The following MIR2052HG variants were observed in gnomAD, a reference collection of about 807,000 sequenced individuals.
MIR2052HG encodes the protein MIR2052 host gene.
chr8:74,633,008 CTTTTA>C (rs1586898450), intron 2 of MIR2052HG, among the ~76,000 whole-genome samples: 1 of 151,726 alleles, frequency 6.6e-6, no homozygotes, highest in African/African-American at 2.4e-5. Flanking sequence ...ATATCCTACT[CTTTTA>C]TTTGTTTGTT....
At chr8:74,697,752 C>T (rs1415944520) in intron 2 of MIR2052HG, among the ~76,000 whole-genome samples, 1 of 151,604 alleles carries the variant, frequency 6.6e-6, no homozygotes, top group African/African-American at 2.4e-5. Flanking sequence ...AAAACAAAAA[C>T]AGAAAACAAA....
At chr8:74,647,362 CT>C (rs1304251549) in intron 2 of MIR2052HG, among the ~76,000 whole-genome samples, 2 of 152,116 alleles carry the variant, frequency 1.3e-5, no homozygotes, top group Non-Finnish European at 2.9e-5. Flanking sequence ...CGAAATGGCT[CT>C]TCTTACAAGG....
At chr8:74,602,979 C>T (rs1052005373) in intron 1 of MIR2052HG, among the ~76,000 whole-genome samples, 1 of 146,804 alleles carries the variant, frequency 6.8e-6, no homozygotes, top group Non-Finnish European at 1.5e-5. Flanking sequence ...CCATTCTTAA[C>T]ATTTCCATGA....
At chr8:74,716,872 C>A (rs1809526533) in intron 4 of MIR2052HG, among the ~76,000 whole-genome samples, 1 of 152,044 alleles carries the variant, frequency 6.6e-6, no homozygotes, top group Non-Finnish European at 1.5e-5. Flanking sequence ...AATGTAATTG[C>A]AGTTTTTGCC....
intron 2 of MIR2052HG, among the ~76,000 whole-genome samples, chr8:74,694,189 T>C (rs1809271693): frequency 6.6e-6 from 1 of 152,152 alleles, no homozygotes; most frequent in Admixed American, 6.5e-5. Context: ...ACAGGACTCT[T>C]TGCAGACACT....
At chr8:74,633,637 A>G (rs534353509) in intron 2 of MIR2052HG, among the ~76,000 whole-genome samples, 7 of 152,302 alleles carry the variant, frequency 4.6e-5, no homozygotes, top group Admixed American at 2.0e-4. Context: ...TCAATGTACT[A>G]CTAGTTCTGT....
At chr8:74,742,863 T>C (rs1160410723) in intron 4 of MIR2052HG, among the ~76,000 whole-genome samples, 1 of 152,174 alleles carries the variant, frequency 6.6e-6, no homozygotes, top group Non-Finnish European at 1.5e-5. Flanking sequence ...AAGAGATCTG[T>C]AAAAGGATTT....
intron 2 of MIR2052HG, among the ~76,000 whole-genome samples, chr8:74,619,357 G>A (rs1000333082): frequency 9.2e-5 from 14 of 152,256 alleles, no homozygotes; most frequent in African/African-American, 2.9e-4. Flanking sequence ...CACACTGTCA[G>A]ATTTTAAAAT....
chr8:74,656,168 G>A (rs188216652), intron 2 of MIR2052HG, among the ~76,000 whole-genome samples: 200 of 152,228 alleles, frequency 1.3e-3, no homozygotes, highest in Admixed American at 2.2e-3. Context: ...AGGCTCATAG[G>A]CAGAAGCGAC....
At chr8:74,649,666 C>T (rs905223852) in intron 2 of MIR2052HG, among the ~76,000 whole-genome samples, 7 of 151,712 alleles carry the variant, frequency 4.6e-5, no homozygotes, top group Admixed American at 1.3e-4. Context: ...TTACAAAATG[C>T]CTATGTGTAA....
intron 2 of MIR2052HG, among the ~76,000 whole-genome samples, chr8:74,638,270 A>C (rs886469798): frequency 1.3e-5 from 2 of 152,166 alleles, no homozygotes; most frequent in African/African-American, 4.8e-5. Context: ...ATTCAATATT[A>C]TTTGATATAA....
chr8:74,723,206 C>G (rs919932596), intron 4 of MIR2052HG, among the ~76,000 whole-genome samples: 1 of 152,228 alleles, frequency 6.6e-6, no homozygotes, highest in African/African-American at 2.4e-5. Flanking sequence ...ATCCCGCACT[C>G]AAGTCATCTC....
chr8:74,692,911 T>C (rs984637), intron 2 of MIR2052HG, among the ~76,000 whole-genome samples: 4,665 of 152,260 alleles, frequency 0.031, 145 homozygotes, highest in African/African-American at 0.069. Context: ...GTATTTTTCT[T>C]TCTCGGGGTA....
chr8:74,626,321 C>A (rs1342990503), intron 2 of MIR2052HG, among the ~76,000 whole-genome samples: 1 of 152,202 alleles, frequency 6.6e-6, no homozygotes, highest in Non-Finnish European at 1.5e-5. Flanking sequence ...ACCCCTAGGT[C>A]CTGGCTTGGC....
chr8:74,752,351 A>G, intron 4 of MIR2052HG: 1 of 389,934 alleles, frequency 2.6e-6, no homozygotes, highest in Non-Finnish European at 5.0e-6. Context: ...TCAAAGGCAT[A>G]GGTCTCAATT....
intron 4 of MIR2052HG, among the ~76,000 whole-genome samples, chr8:74,739,294 T>C (rs1809802828): frequency 1.3e-5 from 2 of 152,186 alleles, no homozygotes; most frequent in South Asian, 4.1e-4. Context: ...TTTGTATCCA[T>C]CCAAGTTGTG....
At chr8:74,708,266 C>T (rs546161058) in intron 4 of MIR2052HG, among the ~76,000 whole-genome samples, 1 of 152,208 alleles carries the variant, frequency 6.6e-6, no homozygotes, top group Admixed American at 6.5e-5. Context: ...ATTTTCCCTT[C>T]ATCTTACAAG....
intron 2 of MIR2052HG, among the ~76,000 whole-genome samples, chr8:74,620,922 G>A (rs1245227921): frequency 6.6e-6 from 1 of 152,104 alleles, no homozygotes; most frequent in Non-Finnish European, 1.5e-5. Context: ...AAACTTTTAT[G>A]CTCTGCTTTC....
At chr8:74,722,089 A>T (rs1043792587) in intron 4 of MIR2052HG, among the ~76,000 whole-genome samples, 4 of 152,024 alleles carry the variant, frequency 2.6e-5, no homozygotes, top group Non-Finnish European at 5.9e-5. Context: ...ACTTGGGAGG[A>T]TCGCTTGATC....
Sources: gnomAD v4.1 joint callset for allele counts (sites outside exome capture counted in the v4.1 genomes callset) on GRCh38, gnomAD v4.1.1 for gene constraint, MANE v1.5 for transcripts, NCBI Gene and HGNC (gene_info 2026-07-23, HGNC 2026-07-21) for gene names.